Variants in DOCK5 observed in about 807,000 individuals in gnomAD.
DOCK5 encodes dedicator of cytokinesis protein 5.
Under a neutral mutation model 251.8 loss-of-function variants are expected in DOCK5, and 142 were observed. The ratio of observed to expected loss-of-function variants is 0.56; its 90% CI spans 0.49 to 0.65. DOCK5 has a LOEUF of 0.65. Among genes scored for constraint, DOCK5 ranks in the 30% least tolerant of loss-of-function variants. The pLI is 0.00. For missense variants in DOCK5, 2,111 were observed against 2,312.3 expected (o/e 0.91, Z 1.79); for synonymous variants, 842 against 835.5 (o/e 1.01, Z -0.13).
chr8:25,307,943 G>A (rs1373553678), intron 11 of DOCK5, among the ~76,000 whole-genome samples: 1 of 152,172 alleles, frequency 6.6e-6, no homozygotes, highest in Non-Finnish European at 1.5e-5. Flanking sequence ...TCCATTTAGA[G>A]AGAATCATTT....
chr8:25,334,184 C>T lies in DOCK5; in HGVS notation c.2180C>T (p.Thr727Ile). The part of the protein sequence containing the change: ...ETYIYKHFSA[T>I]LAYVKLSKVL... ...TACATTTACAAGCACTTCAGCGCCA[C>T]TTTGGCATATGTGTAAGTATGATCT... Residue 727 changes from threonine to isoleucine, a missense_variant, in exon 21 of 52, where the codon ACT becomes ATT. Coordinates refer to ENST00000276440, the MANE Select transcript of DOCK5 (RefSeq NM_024940.8). The T allele has an allele frequency of 1.2e-6, 2 of 1,613,306 alleles. No individual in the cohort carries two copies. The highest frequency in any genetic ancestry group is 1.7e-6 in the Non-Finnish European group (2 of 1,179,270).
chr8:25,378,875 G>A (rs1801013211), intron 38 of DOCK5, among the ~76,000 whole-genome samples: 1 of 152,210 alleles, frequency 6.6e-6, no homozygotes, highest in South Asian at 2.1e-4. Context: ...TAAAGAGAAA[G>A]AGTACAAAGA....
At chr8:25,354,954 C>T (rs1330117513) in intron 27 of DOCK5, among the ~76,000 whole-genome samples, 1 of 152,150 alleles carries the variant, frequency 6.6e-6, no homozygotes, top group East Asian at 1.9e-4. Context: ...GATATTTAGG[C>T]CAAGCACAAT....
At chr8:25,407,779 C>A (rs1368613742) in intron 48 of DOCK5, among the ~76,000 whole-genome samples, 1 of 150,916 alleles carries the variant, frequency 6.6e-6, no homozygotes, top group Non-Finnish European at 1.5e-5. Flanking sequence ...CACCTGTAGT[C>A]CCAGCCACTC....
intron 1 of DOCK5, among the ~76,000 whole-genome samples, chr8:25,199,593 A>G (rs1048978941): frequency 3.9e-5 from 6 of 152,028 alleles, no homozygotes; most frequent in Non-Finnish European, 8.8e-5. Flanking sequence ...ATGTTGGCCA[A>G]GCTGGTCTTG....
At chr8:25,344,655 C>A (rs1800325292) in intron 25 of DOCK5, among the ~76,000 whole-genome samples, 2 of 152,146 alleles carry the variant, frequency 1.3e-5, no homozygotes, top group Admixed American at 1.3e-4. Context: ...TGCAAATGTT[C>A]CTAAGACACA....
At chr8:25,265,287 G>T (rs1259799556) in intron 2 of DOCK5, among the ~76,000 whole-genome samples, 2 of 151,954 alleles carry the variant, frequency 1.3e-5, no homozygotes, top group African/African-American at 2.4e-5. Flanking sequence ...CGGGTGCCCA[G>T]GGTTGAGAAC....
At chr8:25,342,545 T>A in intron 25 of DOCK5, 38 bp downstream of exon 25, 1 of 1,476,758 alleles carries the variant, frequency 6.8e-7, no homozygotes, top group Non-Finnish European at 9.2e-7. Context: ...GAGGTTGCAG[T>A]GAGCTGAGAT....
At chr8:25,344,279 CAGG>C (rs1800317738) in intron 25 of DOCK5, among the ~76,000 whole-genome samples, 1 of 152,212 alleles carries the variant, frequency 6.6e-6, no homozygotes, top group African/African-American at 2.4e-5. Context: ...CTGATATAAA[CAGG>C]AGGTCCAGCA....
intron 13 of DOCK5, among the ~76,000 whole-genome samples, chr8:25,311,753 C>T (rs1805102865): frequency 6.6e-6 from 1 of 150,838 alleles, no homozygotes; most frequent in African/African-American, 2.4e-5. Flanking sequence ...GAAACCCTGT[C>T]TCTATCAAAA....
chr8:25,357,829 T>A (rs904783785), intron 27 of DOCK5, among the ~76,000 whole-genome samples: 1 of 152,162 alleles, frequency 6.6e-6, no homozygotes, highest in Non-Finnish European at 1.5e-5. Context: ...CTAAATTCCT[T>A]TGTGTTATTT....
intron 22 of DOCK5, 35 bp from the exon 23 acceptor site, chr8:25,340,842 G>A (rs2117230714): frequency 6.4e-7 from 1 of 1,566,062 alleles, no homozygotes; most frequent in East Asian, 2.3e-5. Flanking sequence ...TTTAACAATG[G>A]AAAGTCCAAC....
intron 21 of DOCK5, among the ~76,000 whole-genome samples, chr8:25,334,779 T>A (rs997049239): frequency 4.0e-5 from 6 of 151,518 alleles, no homozygotes; most frequent in African/African-American, 1.5e-4. Context: ...AGAGGTTGAA[T>A]GTCAGTGGGA....
intron 29 of DOCK5, among the ~76,000 whole-genome samples, chr8:25,363,687 AAACT>A (rs1310996277): frequency 2.0e-5 from 3 of 152,230 alleles, no homozygotes; most frequent in Non-Finnish European, 4.4e-5. Context: ...ACACAGTGCC[AAACT>A]AACTAGTTGC....
intron 21 of DOCK5, 105 bp downstream of exon 21, chr8:25,334,301 C>T (rs949483675): frequency 7.7e-5 from 70 of 911,312 alleles, no homozygotes; most frequent in South Asian, 7.5e-4. Context: ...TCAGTAAATA[C>T]GCCTGTTAAG....
chr8:25,360,340 G>T (rs1298742427), intron 28 of DOCK5, among the ~76,000 whole-genome samples: 1 of 152,154 alleles, frequency 6.6e-6, no homozygotes, highest in Non-Finnish European at 1.5e-5. Context: ...CTCTGCTTGG[G>T]CCATACCCTG....
intron 40 of DOCK5, among the ~76,000 whole-genome samples, chr8:25,388,109 C>T (rs991783152): frequency 2.6e-5 from 4 of 152,174 alleles, no homozygotes; most frequent in Non-Finnish European, 5.9e-5. Context: ...ATTGCCCTCA[C>T]GGTACTTACA....
chr8:25,242,453 A>G (rs1438439053), intron 1 of DOCK5, among the ~76,000 whole-genome samples: 2 of 152,166 alleles, frequency 1.3e-5, no homozygotes, highest in African/African-American at 2.4e-5. Flanking sequence ...GGAGAGTTCT[A>G]GTTTCTCCAC....
chr8:25,321,287 T>C (rs1487564092), intron 16 of DOCK5, among the ~76,000 whole-genome samples: 1 of 152,218 alleles, frequency 6.6e-6, no homozygotes, highest in Non-Finnish European at 1.5e-5. Context: ...ACACTAATAT[T>C]CTCAAAGACA....
Sources: allele counts gnomAD v4.1 joint callset (sites outside exome capture counted in the v4.1 genomes callset), GRCh38; gene constraint gnomAD v4.1.1; transcripts MANE v1.5; gene names NCBI Gene and HGNC (gene_info 2026-07-23, HGNC 2026-07-21).